Variants in DRC9 observed in about 807,000 individuals in gnomAD.
DRC9 encodes dynein regulatory complex protein 9.
the DRC9 span, chr3:197,954,061 A>T: frequency 6.2e-6 from 10 of 1,614,056 alleles, no homozygotes; most frequent in Non-Finnish European, 8.5e-6. Flanking sequence ...GGGAAAAGTA[A>T]CTCGGGCCCA....
the DRC9 span, chr3:197,951,357 C>T: frequency 6.9e-6 from 11 of 1,597,820 alleles, no homozygotes; most frequent in Middle Eastern, 1.7e-4. Flanking sequence ...AGATCTGCCT[C>T]ATTTTCTTTT....
At chr3:197,902,159 G>A in the DRC9 span, among the ~76,000 whole-genome samples, 2 of 152,224 alleles carry the variant, frequency 1.3e-5, no homozygotes, top group Admixed American at 6.5e-5. Flanking sequence ...CACAGAATTA[G>A]GGGCTTGGAG....
At chr3:197,951,454 G>C in the DRC9 span, 3 of 873,130 alleles carry the variant, frequency 3.4e-6, no homozygotes, top group African/African-American at 5.0e-5. Context: ...CCGGGTTCAA[G>C]CAAGTGTCCT....
At chr3:197,953,800 T>G in the DRC9 span, 1 of 623,260 alleles carries the variant, frequency 1.6e-6, no homozygotes, top group South Asian at 1.9e-5. Flanking sequence ...TTTTGTTTTA[T>G]AGCTGCTGTA....
the DRC9 span, chr3:197,957,791 A>G: frequency 1.3e-5 from 2 of 152,266 alleles, no homozygotes; most frequent in African/African-American, 4.8e-5. Context: ...TCATTGTGCC[A>G]GTTAAGTAGA....
At chr3:197,959,165 T>A in the DRC9 span, 1 of 151,984 alleles carries the variant, frequency 6.6e-6, no homozygotes, top group Non-Finnish European at 1.5e-5. Context: ...CGAGATTGTG[T>A]CACTGCACTC....
chr3:197,890,430 A>ATAAG, the DRC9 span, among the ~76,000 whole-genome samples: 26 of 152,134 alleles, frequency 1.7e-4, no homozygotes, highest in East Asian at 2.9e-3. Context: ...AAAAGCACAG[A>ATAAG]TAAGTCTAGA....
At chr3:197,894,324 T>C in the DRC9 span, among the ~76,000 whole-genome samples, 1 of 152,180 alleles carries the variant, frequency 6.6e-6, no homozygotes, top group African/African-American at 2.4e-5. Flanking sequence ...AATATCTGCA[T>C]ATATATTATC....
the DRC9 span, chr3:197,891,616 C>T: frequency 4.0e-6 from 3 of 748,068 alleles, no homozygotes; most frequent in Admixed American, 7.9e-5. Flanking sequence ...GCCAGCCCTG[C>T]ACTTTTAATA....
At chr3:197,923,005 A>G in the DRC9 span, among the ~76,000 whole-genome samples, 1 of 152,202 alleles carries the variant, frequency 6.6e-6, no homozygotes, top group Admixed American at 6.5e-5. Context: ...GTTAAGAGGG[A>G]TAATGACATC....
At chr3:197,908,641 C>T in the DRC9 span, among the ~76,000 whole-genome samples, 1 of 143,454 alleles carries the variant, frequency 7.0e-6, no homozygotes, top group Non-Finnish European at 1.5e-5. Context: ...GGTGACTGTA[C>T]CAGGTCTGAA....
At chr3:197,950,780 C>G in the DRC9 span, 1 of 656,468 alleles carries the variant, frequency 1.5e-6, no homozygotes, top group Non-Finnish European at 2.7e-6. Context: ...CTTGCCGGAC[C>G]CTGCGTTTCA....
chr3:197,932,353 A>T, the DRC9 span: 2 of 1,533,958 alleles, frequency 1.3e-6, no homozygotes, highest in Non-Finnish European at 1.8e-6. Context: ...TTCTATTTTC[A>T]GCCGGGCATG....
At chr3:197,941,187 C>G in the DRC9 span, among the ~76,000 whole-genome samples, 3 of 140,408 alleles carry the variant, frequency 2.1e-5, no homozygotes, top group African/African-American at 7.9e-5. Flanking sequence ...TCTCTCCCCT[C>G]TCTCCTCTGT....
At chr3:197,910,982 C>CAAAAAAAA in the DRC9 span, among the ~76,000 whole-genome samples, 62 of 61,368 alleles carry the variant, frequency 1.0e-3, no homozygotes, top group Middle Eastern at 0.015. Context: ...AAAAACAAAA[C>CAAAAAAAA]AAAAAAAAAA....
the DRC9 span, among the ~76,000 whole-genome samples, chr3:197,924,039 CAG>C: frequency 1.3e-5 from 2 of 150,684 alleles, no homozygotes; most frequent in Admixed American, 1.3e-4. Flanking sequence ...GCCTGAGTGA[CAG>C]AGTGAAGATC....
At chr3:197,918,523 A>G in the DRC9 span, among the ~76,000 whole-genome samples, 2 of 152,300 alleles carry the variant, frequency 1.3e-5, no homozygotes, top group Admixed American at 1.3e-4. Flanking sequence ...TCCACCTTAT[A>G]TATCACTCAA....
chr3:197,953,773 G>GAT, the DRC9 span: 2 of 596,166 alleles, frequency 3.4e-6, no homozygotes, highest in Non-Finnish European at 6.0e-6. Flanking sequence ...AACTTACTTG[G>GAT]TTATCATGTG....
At chr3:197,933,515 C>A in the DRC9 span, among the ~76,000 whole-genome samples, 1 of 151,948 alleles carries the variant, frequency 6.6e-6, no homozygotes, top group Non-Finnish European at 1.5e-5. Context: ...AATGATTTAA[C>A]TTTTTCAAAA....
Sources: gnomAD v4.1 joint callset for allele counts (sites outside exome capture counted in the v4.1 genomes callset) on GRCh38, gnomAD v4.1.1 for gene constraint, MANE v1.5 for transcripts, NCBI Gene and HGNC (gene_info 2026-07-23, HGNC 2026-07-21) for gene names.